Variants in HDAC5 observed in about 807,000 individuals in gnomAD.
HDAC5 encodes histone deacetylase 5.
HDAC5 carries 25 observed loss-of-function variants against 133.3 expected under a neutral mutation model. That is an observed-to-expected ratio of 0.19 (90% CI 0.14 to 0.26). The LOEUF (loss-of-function observed/expected upper bound fraction) is 0.26. Ranked by LOEUF, HDAC5 falls within the 10% of genes least tolerant of loss-of-function variation. The pLI is 1.00. For synonymous variants in HDAC5, 589 were observed against 610.8 expected, an observed-to-expected ratio of 0.96 and a Z score of 0.53; for missense variants, 1,041 against 1,460.5, an observed-to-expected ratio of 0.71 and a Z score of 4.68.
chr17:44,109,974 G>A (rs1241909603), intron 3 of HDAC5, among the ~76,000 whole-genome samples: 1 of 152,222 alleles, frequency 6.6e-6, no homozygotes, highest in South Asian at 2.1e-4. Context: ...GCCCAGCTCT[G>A]GGGGACCCCA....
At chr17:44,113,934 G>A (rs2052488456) in intron 2 of HDAC5, among the ~76,000 whole-genome samples, 1 of 152,202 alleles carries the variant, frequency 6.6e-6, no homozygotes, top group Non-Finnish European at 1.5e-5. Flanking sequence ...TATCAGACCT[G>A]CCCACCCTCC....
intron 3 of HDAC5, among the ~76,000 whole-genome samples, chr17:44,100,011 G>A (rs1228749079): frequency 6.6e-6 from 1 of 152,154 alleles, no homozygotes; most frequent in African/African-American, 2.4e-5. Flanking sequence ...TGGGGGAGAT[G>A]ATGTAGGTGC....
Position 44,082,677 on chromosome 17 carries a change from G to C in HDAC5, c.2520-5C>G. 6.2e-7 allele frequency: 1 copy of C among 1,612,716 alleles called. No individual in the cohort carries two copies. The highest frequency in any genetic ancestry group is 8.5e-7 in the Non-Finnish European group (1 of 1,178,714). On this transcript the variant is annotated splice_polypyrimidine_tract_variant and splice_region_variant and intron_variant, in intron 19 of 26. Transcript: ENST00000682912. Reference sequence around the variant, plus strand: ...GAGTTGAAGAAGCAGAATCCCCTGAGGAGGGGAGAAAAGGGCAGGAGGTCA... The same window carrying C: ...GAGTTGAAGAAGCAGAATCCCCTGACGAGGGGAGAAAAGGGCAGGAGGTCA...
At chr17:44,094,665 T>C (rs1281484077) in intron 3 of HDAC5, among the ~76,000 whole-genome samples, 2 of 151,916 alleles carry the variant, frequency 1.3e-5, no homozygotes, top group African/African-American at 2.4e-5. Flanking sequence ...TGCATAAGCA[T>C]GAAGCTGTAC....
chr17:44,080,962 T>C, intron 20 of HDAC5, 80 bp from the exon 21 acceptor site: 1 of 1,573,998 alleles, frequency 6.4e-7, no homozygotes. Flanking sequence ...AGCTGAGCAC[T>C]GTAGCTCATG....
At chr17:44,080,650 C>T (rs985389937) in intron 21 of HDAC5, 113 bp downstream of exon 21, 2 of 1,521,052 alleles carry the variant, frequency 1.3e-6, no homozygotes, top group Non-Finnish European at 1.8e-6. Flanking sequence ...ACTAGGAGCC[C>T]AGACTCCCCA....
At position 44,078,373 on chromosome 17, in the gene HDAC5, G is replaced by C. The variant is rs2050209656; in HGVS notation, c.*3C>G. 3 of 1,522,230 alleles carry C rather than the reference G, an allele frequency of 2.0e-6. No individual in the cohort carries two copies. Among genetic ancestry groups the C allele is most frequent in the African/African-American group, 2.8e-5 (2 of 71,656 alleles). 94.3% of individuals were successfully genotyped at this position (1,522,230 alleles called of 1,614,324 possible). A position where few individuals can be genotyped will look rare whatever the true frequency, so the allele number is the denominator to read the frequency against. ...GAAGCCCAGAGGGATGGGGGCCGGG[G>C]CGTCACAGGGCAGGCTCCTGCTCCA... is the stretch of plus-strand genomic sequence containing the variant. On this transcript the variant is annotated 3_prime_UTR_variant, in exon 27 of 27. Coordinates refer to ENST00000682912, the MANE Select transcript of HDAC5 (RefSeq NM_005474.5).
intron 2 of HDAC5, chr17:44,111,439 G>A (rs1319592598): frequency 5.0e-6 from 2 of 402,456 alleles, no homozygotes; most frequent in South Asian, 3.6e-5. Flanking sequence ...CACAGCGCTG[G>A]GTGGCCAGAG....
chr17:44,079,412 C>G (rs112442808), intron 23 of HDAC5, 135 bp from the exon 24 acceptor site: 6 of 777,002 alleles, frequency 7.7e-6, no homozygotes, highest in Non-Finnish European at 1.2e-5. Context: ...GAGGCCAAGG[C>G]GGGCAGATCA....
At chr17:44,083,710 G>A in intron 17 of HDAC5, 58 bp from the exon 18 acceptor site, 2 of 1,581,506 alleles carry the variant, frequency 1.3e-6, no homozygotes, top group Non-Finnish European at 1.7e-6. Flanking sequence ...ACAGGGGAGG[G>A]CACCTGGACA....
intron 2 of HDAC5, among the ~76,000 whole-genome samples, chr17:44,113,025 GGCAGC>G (rs2052435110): frequency 6.6e-6 from 1 of 152,110 alleles, no homozygotes; most frequent in Admixed American, 6.5e-5. Flanking sequence ...TGGGGTGATG[GGCAGC>G]AGATTCAAGG....
At position 44,087,452 on chromosome 17, in the gene HDAC5, T is replaced by A; in HGVS notation, c.1844A>T (p.Glu615Val). 1.4e-6 allele frequency: 2 copies of A among 1,399,350 alleles called. No individual in the cohort carries two copies. The highest frequency in any genetic ancestry group is 2.0e-6 in the Non-Finnish European group (2 of 984,356). The allele number at this position is 1,399,350 out of a possible 1,614,324, so 86.7% of individuals were successfully genotyped here. ...ACCAGGCTCCTCCAAGTCGGGCCCC[T>A]CCTCAGCACCACTCTCGCCCTCCTC... ...KDEEGESGAE[E>V]GPDLEEPGAG... The change falls in exon 13 of 27, where the codon GAG becomes GTG. Residue 615 changes from glutamate (E) to valine (V), a missense_variant. Physicochemically the swap from Glu to Val is moderately radical, Grantham distance 121. This residue lies in a region of HDAC5 where 433 missense variants were observed against 531.6 expected (regional missense o/e 0.81). Coordinates refer to ENST00000682912, the MANE Select transcript of HDAC5 (RefSeq NM_005474.5).
chr17:44,078,322 G>A lies in HDAC5; in HGVS notation c.*54C>T. On this transcript the variant is annotated 3_prime_UTR_variant, in exon 27 of 27. Coordinates refer to ENST00000682912, the MANE Select transcript of HDAC5 (RefSeq NM_005474.5). ...AATGTGTGACTTTTTGTTTTTAATA[G>A]AAAAAATAAACAAAATCACAATGGT... is the stretch of plus-strand genomic sequence containing the variant. The A allele has an allele frequency of 6.7e-7, 1 of 1,494,254 alleles. No homozygotes were observed. Among genetic ancestry groups the A allele is most frequent in the Non-Finnish European group, 8.9e-7 (1 of 1,123,270 alleles). The allele number at this position is 1,494,254 out of a possible 1,614,324, so 92.6% of individuals were successfully genotyped here.
intron 3 of HDAC5, among the ~76,000 whole-genome samples, chr17:44,104,042 T>G (rs1241196965): frequency 6.6e-6 from 1 of 151,050 alleles, no homozygotes; most frequent in Admixed American, 6.6e-5. Context: ...TAAAATCGGC[T>G]GGGTGCAGTG....
In HDAC5 at chr17:44,086,562, G is replaced by A; in HGVS notation, c.2050+10C>T. 1.5e-6 allele frequency: 2 copies of A among 1,299,188 alleles called. No individual in the cohort carries two copies. The highest frequency in any genetic ancestry group is 5.7e-5 in the East Asian group (2 of 35,240). 80.5% of individuals were successfully genotyped at this position (1,299,188 alleles called of 1,614,324 possible). A position where few individuals can be genotyped will look rare whatever the true frequency, so the allele number is the denominator to read the frequency against. On this transcript the variant is annotated intron_variant, in intron 14 of 26. Coordinates refer to ENST00000682912, the MANE Select transcript of HDAC5 (RefSeq NM_005474.5). ...CTGGCAGAAGGACCTAACAGTTGGTGGGGGCTCACCTGTGGTGAAGAGGTG... is the reference window on the plus strand; with the variant it reads ...CTGGCAGAAGGACCTAACAGTTGGTAGGGGCTCACCTGTGGTGAAGAGGTG...
intron 23 of HDAC5, 55 bp downstream of exon 23, chr17:44,080,052 T>G (rs1264676177): frequency 7.9e-7 from 1 of 1,267,464 alleles, no homozygotes. Context: ...CATGCCTCAC[T>G]GGACTCGATA....
intron 2 of HDAC5, among the ~76,000 whole-genome samples, chr17:44,112,977 G>T (rs1357881346): frequency 6.6e-6 from 1 of 152,166 alleles, no homozygotes; most frequent in East Asian, 1.9e-4. Flanking sequence ...GGCCAACCAG[G>T]CCCTCTCAAG....
At chr17:44,104,694 C>T (rs1453087840) in intron 3 of HDAC5, among the ~76,000 whole-genome samples, 1 of 152,182 alleles carries the variant, frequency 6.6e-6, no homozygotes, top group Non-Finnish European at 1.5e-5. Flanking sequence ...CCCTTTTGTC[C>T]CTCAAAAACA....
In HDAC5 at chr17:44,110,713, A is replaced by T; in HGVS notation, c.94+16T>A. 6.2e-7 allele frequency: 1 copy of T among 1,608,346 alleles called. No individual in the cohort carries two copies. Among genetic ancestry groups the T allele is most frequent in the East Asian group, 2.2e-5 (1 of 44,856 alleles). ...GCCAGATGACAGAGGGCAGGCAGGG[A>T]CATCAAGGCACTTACCTGTCACAGG... On this transcript the variant is annotated intron_variant, in intron 3 of 26. Transcript: ENST00000682912.
Sources: gnomAD v4.1 joint callset for allele counts (sites outside exome capture counted in the v4.1 genomes callset) on GRCh38, gnomAD v4.1.1 for gene constraint, gnomAD v4.1.1 regional missense constraint, MANE v1.5 for transcripts, NCBI Gene and HGNC (gene_info 2026-07-23, HGNC 2026-07-21) for gene names.